The following AGAP1 variants were observed in gnomAD, a reference collection of about 807,000 sequenced individuals.
The protein encoded by AGAP1 is arf-GAP with GTPase, ANK repeat and PH domain-containing protein 1.
AGAP1 carries 29 observed loss-of-function variants against 105.3 expected under a neutral mutation model. The observed-to-expected ratio is 0.28, with a 90% confidence interval of 0.21 to 0.38. The LOEUF (loss-of-function observed/expected upper bound fraction) is 0.38, where lower values mean the gene tolerates loss of function less well. Ranked by LOEUF, AGAP1 falls within the 10% of genes least tolerant of loss-of-function variation. The pLI is 1.00. For synonymous variants in AGAP1, 509 were observed against 485.9 expected (o/e 1.05, Z -0.63); for missense variants, 998 against 1,165.1 (o/e 0.86, Z 2.09).
rs540610779 is a variant in AGAP1 at position 235,612,238 on chromosome 2, G to T, written c.164-96941G>T. Among the ~76,000 whole-genome samples the T allele has an allele frequency of 1.3e-5, 2 of 152,272 alleles. No individual in the cohort carries two copies. The highest frequency in any genetic ancestry group is 3.9e-4 in the East Asian group (2 of 5,164). On this transcript the variant is annotated intron_variant, in intron 1 of 17. Transcript: ENST00000304032. This position sits in a 1 kb window ranked among gnomAD's most constrained non-coding sequence, Gnocchi z 4.3. Reference sequence around the variant, plus strand: ...GTTCGCAGTGCTGGAAGAGAGAGTGGACAGATTTTACACCAGCACCTTTCA... The same window carrying T: ...GTTCGCAGTGCTGGAAGAGAGAGTGTACAGATTTTACACCAGCACCTTTCA...
chr2:235,864,939 C>T lies in AGAP1; in HGVS notation c.1051-18406C>T, dbSNP rs981889560. On this transcript the variant is annotated intron_variant, in intron 9 of 17. Coordinates refer to ENST00000304032, the MANE Select transcript of AGAP1 (RefSeq NM_001037131.3). The surrounding 1 kb of genome is among the most constrained non-coding windows in gnomAD (Gnocchi z 5.0). ...ACCTAATGTGAACCATACATCTCGT[C>T]GGCATTACTCATCGTCAACATGGGT... Among the ~76,000 whole-genome samples, 5 of 152,194 alleles carry T rather than the reference C, an allele frequency of 3.3e-5. No individual in the cohort carries two copies. The highest frequency in any genetic ancestry group is 2.1e-4 in the South Asian group (1 of 4,820).
chr2:235,788,871 G>A lies in AGAP1; in HGVS notation c.674-8888G>A, dbSNP rs1003391239. Among the ~76,000 whole-genome samples the A allele has an allele frequency of 1.3e-5, 2 of 152,200 alleles. No individual in the cohort carries two copies. The highest frequency in any genetic ancestry group is 1.9e-4 in the East Asian group (1 of 5,192). On this transcript the variant is annotated intron_variant, in intron 6 of 17. Transcript: ENST00000304032. The surrounding 1 kb of genome is among the most constrained non-coding windows in gnomAD (Gnocchi z 6.0). ...TTCGGCATCTCTCAGTGGGGTGAAC[G>A]TTTGCATGTTGGTGCTTCTGAACAC... is the stretch of plus-strand genomic sequence containing the variant.
At chr2:235,775,441 A>C (rs561876680) in intron 6 of AGAP1, among the ~76,000 whole-genome samples, 6 of 152,322 alleles carry the variant, frequency 3.9e-5, no homozygotes, top group African/African-American at 1.4e-4. Flanking sequence ...AGGACGAGTT[A>C]CCATAGAAAG....
intron 10 of AGAP1, among the ~76,000 whole-genome samples, chr2:235,902,535 A>C (rs1286219611): frequency 6.6e-6 from 1 of 152,226 alleles, no homozygotes; most frequent in African/African-American, 2.4e-5. Flanking sequence ...AGTTTTCATC[A>C]TATAACATCA....
chr2:236,103,235 G>GA (rs1302848087), intron 16 of AGAP1, among the ~76,000 whole-genome samples: 1 of 152,132 alleles, frequency 6.6e-6, no homozygotes, highest in Admixed American at 6.5e-5. Context: ...CCAGAAAAAG[G>GA]AAAAATCTCT....
chr2:235,584,469 T>C (rs574808975), intron 1 of AGAP1, among the ~76,000 whole-genome samples: 1 of 147,560 alleles, frequency 6.8e-6, no homozygotes, highest in East Asian at 2.0e-4. Flanking sequence ...GATGAGGTCA[T>C]ACTAGATTGG....
At chr2:235,949,894 C>T (rs1559684724) in intron 12 of AGAP1, among the ~76,000 whole-genome samples, 3 of 152,330 alleles carry the variant, frequency 2.0e-5, no homozygotes, top group African/African-American at 7.2e-5. Context: ...ACTCCCTCGC[C>T]TAGGCAAAAG....
At chr2:235,730,455 C>G (rs1450091008) in intron 3 of AGAP1, among the ~76,000 whole-genome samples, 4 of 136,402 alleles carry the variant, frequency 2.9e-5, no homozygotes, top group African/African-American at 8.3e-5. Flanking sequence ...TCCAGTTTTG[C>G]AATGCTCTTT....
rs1336029431 is a variant in AGAP1 at position 235,734,489 on chromosome 2, T to A, written c.311-6474T>A. 7.9e-5 allele frequency among the ~76,000 whole-genome samples: 12 copies of A among 151,474 alleles called. No individual in the cohort carries two copies. In the East Asian group the frequency reaches 2.1e-3, roughly 27 times the overall value. On this transcript the variant is annotated intron_variant, in intron 3 of 17. Coordinates refer to ENST00000304032, the MANE Select transcript of AGAP1 (RefSeq NM_001037131.3). The surrounding 1 kb of genome is among the most constrained non-coding windows in gnomAD (Gnocchi z 5.3). ...ACAGTGGGCTCTACACATGGAGCTT[T>A]GAAGTCAAGAGTCATTTTCATCCTT...
Position 235,911,688 on chromosome 2 carries a change from G to A in AGAP1, c.1324+2782G>A, listed in dbSNP as rs532141784. On this transcript the variant is annotated intron_variant, in intron 11 of 17. Transcript: ENST00000304032. Reference sequence around the variant, plus strand: ...GGAGTGAGTTGTGTGTCCTTGGAAGGCATTTCCCATTGCCCAGTTTCATTC... The same window carrying A: ...GGAGTGAGTTGTGTGTCCTTGGAAGACATTTCCCATTGCCCAGTTTCATTC... Among the ~76,000 whole-genome samples, 5 of 152,344 alleles carry A rather than the reference G, an allele frequency of 3.3e-5. No homozygotes were observed. In the East Asian group the frequency reaches 5.8e-4, roughly 18 times the overall value.
rs1173263804 is a variant in AGAP1 at position 235,712,828 on chromosome 2, C to G, written c.222+3591C>G. 6.6e-6 allele frequency among the ~76,000 whole-genome samples: 1 copy of G among 152,234 alleles called. No individual in the cohort carries two copies. Among genetic ancestry groups the G allele is most frequent in the Non-Finnish European group, 1.5e-5 (1 of 68,048 alleles). On this transcript the variant is annotated intron_variant, in intron 2 of 17. Coordinates refer to ENST00000304032, the MANE Select transcript of AGAP1 (RefSeq NM_001037131.3). This position sits in a 1 kb window ranked among gnomAD's most constrained non-coding sequence, Gnocchi z 6.0. ...CTCGCTCTGGATTGATTTCCTCCGT[C>G]TTGGTTTACTTCCAGCAGTCGCTCC...
At chr2:235,683,895 T>C (rs1437336535) in intron 1 of AGAP1, among the ~76,000 whole-genome samples, 1 of 145,742 alleles carries the variant, frequency 6.9e-6, no homozygotes, top group African/African-American at 2.5e-5. Flanking sequence ...CCCCGCCCTG[T>C]GTCCATGTCT....
In AGAP1 at chr2:235,732,029, C is replaced by G. The variant is rs556137285; in HGVS notation, c.311-8934C>G. On this transcript the variant is annotated intron_variant, in intron 3 of 17. Transcript: ENST00000304032. The surrounding 1 kb of genome is among the most constrained non-coding windows in gnomAD (Gnocchi z 4.8). The stretch of plus-strand genomic sequence containing the variant: ...AACCTGTGTGCTGTTTTTCTGCAGA[C>G]CTTGGTTTTCTCATCTTGAAAGTTG... Among the ~76,000 whole-genome samples the G allele has an allele frequency of 2.0e-5, 3 of 152,246 alleles. No individual in the cohort carries two copies. Among genetic ancestry groups the G allele is most frequent in the African/African-American group, 7.2e-5 (3 of 41,546 alleles).
rs1312683349 is a variant in AGAP1 at position 235,957,773 on chromosome 2, G to C, written c.1484-10689G>C. The stretch of plus-strand genomic sequence containing the variant: ...GATCCAAATTAGCTTTATATCGTTG[G>C]CCGTGTATCAAAGGAAGTGCGTTTT... On this transcript the variant is annotated intron_variant, in intron 12 of 17. Transcript: ENST00000304032. This position sits in a 1 kb window ranked among gnomAD's most constrained non-coding sequence, Gnocchi z 4.6. Among the ~76,000 whole-genome samples, 1 of 152,176 alleles carries C rather than the reference G, an allele frequency of 6.6e-6. No individual in the cohort carries two copies. The highest frequency in any genetic ancestry group is 1.5e-5 in the Non-Finnish European group (1 of 68,038).
chr2:236,022,054 CAAAAAAAA>C (rs55810820), intron 13 of AGAP1, among the ~76,000 whole-genome samples: 5 of 89,296 alleles, frequency 5.6e-5, no homozygotes, highest in Admixed American at 1.4e-4. Flanking sequence ...GACCCTGTCT[CAAAAAAAA>C]AAAAAAAAAA....
In AGAP1 at chr2:235,905,730, C is replaced by G. The variant is rs530992595; in HGVS notation, c.1156-3008C>G. On this transcript the variant is annotated intron_variant, in intron 10 of 17. Coordinates refer to ENST00000304032, the MANE Select transcript of AGAP1 (RefSeq NM_001037131.3). The surrounding 1 kb of genome is among the most constrained non-coding windows in gnomAD (Gnocchi z 4.2). ...GCTAGGCTGGTCTTGAACTCCTGAC[C>G]TCAAGTGATCCACTCTCCTCGGCCT... 6.6e-6 allele frequency among the ~76,000 whole-genome samples: 1 copy of G among 152,292 alleles called. No individual in the cohort carries two copies. The highest frequency in any genetic ancestry group is 2.1e-4 in the South Asian group (1 of 4,824).
chr2:235,666,152 C>T (rs1301730798), intron 1 of AGAP1, among the ~76,000 whole-genome samples: 1 of 151,448 alleles, frequency 6.6e-6, no homozygotes, highest in Non-Finnish European at 1.5e-5. Flanking sequence ...CCCTGCAGCA[C>T]GGAGGCATTA....
At chr2:235,496,490 G>T (rs1941323987) in intron 1 of AGAP1, among the ~76,000 whole-genome samples, 2 of 152,194 alleles carry the variant, frequency 1.3e-5, no homozygotes, top group Admixed American at 6.5e-5. Context: ...AGCTGTGAAG[G>T]CTGCACGGTG....
chr2:236,073,488 G>A lies in AGAP1; in HGVS notation c.2114+24207G>A, dbSNP rs986286258. Among the ~76,000 whole-genome samples the A allele has an allele frequency of 1.3e-5, 2 of 152,120 alleles. No homozygotes were observed. The highest frequency in any genetic ancestry group is 1.3e-4 in the Admixed American group (2 of 15,272). On this transcript the variant is annotated intron_variant, in intron 16 of 17. Transcript: ENST00000304032. This position sits in a 1 kb window ranked among gnomAD's most constrained non-coding sequence, Gnocchi z 5.4. Reference sequence around the variant, plus strand: ...AGCTTGCAAAACATGCTGCAAAACAGCTTGCAAAACAGCTGGGGACTGGAG... The same window carrying A: ...AGCTTGCAAAACATGCTGCAAAACAACTTGCAAAACAGCTGGGGACTGGAG...
Sources: gnomAD v4.1 joint callset for allele counts (sites outside exome capture counted in the v4.1 genomes callset) on GRCh38, gnomAD v4.1.1 for gene constraint, Gnocchi (gnomAD v3.1) non-coding constraint, MANE v1.5 for transcripts, NCBI Gene and HGNC (gene_info 2026-07-23, HGNC 2026-07-21) for gene names.